HMGA2: variants seen among roughly 807,000 people sequenced by gnomAD.
HMGA2 encodes the protein high mobility group AT-hook 2, also known as high mobility group protein HMGI-C.
Under a neutral mutation model 19.1 loss-of-function variants are expected in HMGA2, and 8 were observed. The ratio of observed to expected loss-of-function variants is 0.42; its 90% confidence interval spans 0.25 to 0.76. HMGA2 has a LOEUF of 0.76. HMGA2 is among the 30% of genes least tolerant of loss of function. HMGA2 has a pLI of 0.28. For missense variants in HMGA2, 109 were observed against 136.3 expected, an observed-to-expected ratio of 0.80 and a Z score of 1.00; for synonymous variants, 60 against 48.8, an observed-to-expected ratio of 1.23 and a Z score of -0.96.
At chr12:65,941,138 T>C (rs1164856714) in intron 3 of HMGA2, among the ~76,000 whole-genome samples, 7 of 152,104 alleles carry the variant, frequency 4.6e-5, no homozygotes, top group Admixed American at 4.6e-4. Context: ...TTGAGCTGAG[T>C]AAGGTAGTTC....
In HMGA2 at chr12:65,824,785, G is replaced by A; in HGVS notation, c.-486G>A. 4.3e-6 allele frequency: 1 copy of A among 230,744 alleles called. No homozygotes were observed. The highest frequency in any genetic ancestry group is 8.5e-6 in the Non-Finnish European group (1 of 118,202). 14.3% of individuals were successfully genotyped at this position (230,744 alleles called of 1,614,324 possible). A position where few individuals can be genotyped will look rare whatever the true frequency, so the allele number is the denominator to read the frequency against. On this transcript the variant is annotated 5_prime_UTR_variant, in exon 1 of 5. Transcript: ENST00000403681. ...TCTCTCTCTCGCAGGGTGGGGGGAA[G>A]AGGAGGAGGAATTCTTTCCCCGCCT...
chr12:65,829,941 T>A (rs898477514), intron 2 of HMGA2, among the ~76,000 whole-genome samples: 17 of 151,964 alleles, frequency 1.1e-4, no homozygotes, highest in African/African-American at 4.1e-4. Context: ...CCTACGCCGC[T>A]CATCTTTCTG....
At chr12:65,898,565 CAT>C (rs1470877031) in intron 3 of HMGA2, among the ~76,000 whole-genome samples, 1 of 152,144 alleles carries the variant, frequency 6.6e-6, no homozygotes, top group Non-Finnish European at 1.5e-5. Flanking sequence ...CTGATATTCA[CAT>C]GTTTCAAACA....
At chr12:65,961,479 G>A (rs940091990) in intron 4 of HMGA2, among the ~76,000 whole-genome samples, 1 of 152,130 alleles carries the variant, frequency 6.6e-6, no homozygotes, top group Admixed American at 6.5e-5. Context: ...ACAGTTTGGG[G>A]GTTGGGAGTT....
At chr12:65,912,090 C>T (rs967900633) in intron 3 of HMGA2, among the ~76,000 whole-genome samples, 1 of 152,118 alleles carries the variant, frequency 6.6e-6, no homozygotes. Flanking sequence ...TTCCACTAGT[C>T]TTTCTGTTTA....
chr12:65,953,878 C>A (rs1232914972), intron 4 of HMGA2: 1 of 152,160 alleles, frequency 6.6e-6, no homozygotes, highest in East Asian at 1.9e-4. Context: ...CTGTTTCTTT[C>A]AAAATACCCT....
chr12:65,845,267 TGTTTC>T (rs1229046491), intron 3 of HMGA2, among the ~76,000 whole-genome samples: 1 of 152,112 alleles, frequency 6.6e-6, no homozygotes. Flanking sequence ...GTTTTTGTTT[TGTTTC>T]GTTTTGTTTT....
chr12:65,928,877 G>A (rs1021993039), intron 3 of HMGA2, among the ~76,000 whole-genome samples: 25 of 151,922 alleles, frequency 1.6e-4, no homozygotes, highest in African/African-American at 4.8e-4. Context: ...ATTTATATCC[G>A]TATAAAGATT....
At chr12:65,932,881 C>G (rs1312170901) in intron 3 of HMGA2, among the ~76,000 whole-genome samples, 1 of 152,168 alleles carries the variant, frequency 6.6e-6, no homozygotes, top group East Asian at 1.9e-4. Flanking sequence ...GATGTCCTCA[C>G]TTTATAAAAA....
chr12:65,912,849 G>A (rs1250337534), intron 3 of HMGA2, among the ~76,000 whole-genome samples: 1 of 152,080 alleles, frequency 6.6e-6, no homozygotes, highest in Non-Finnish European at 1.5e-5. Context: ...GCCAAATGGG[G>A]CATTTTAGTT....
intron 3 of HMGA2, chr12:65,915,391 C>T: frequency 7.7e-7 from 1 of 1,298,038 alleles, no homozygotes; most frequent in Middle Eastern, 3.1e-4. Context: ...CATGCAGAGC[C>T]ATGCCTGCGG....
intron 3 of HMGA2, among the ~76,000 whole-genome samples, chr12:65,863,004 T>TCA (rs1357546350): frequency 6.6e-6 from 1 of 152,166 alleles, no homozygotes; most frequent in Non-Finnish European, 1.5e-5. Context: ...CCACCCATGC[T>TCA]CAGCTCATGG....
intron 3 of HMGA2, chr12:65,841,991 C>CTTTT: frequency 2.4e-6 from 2 of 817,982 alleles, no homozygotes; most frequent in Admixed American, 4.1e-5. Context: ...TTCCCTTCAT[C>CTTTT]TTTTTTTTTT....
chr12:65,913,786 G>C (rs1323617726), intron 3 of HMGA2, among the ~76,000 whole-genome samples: 1 of 152,026 alleles, frequency 6.6e-6, no homozygotes, highest in East Asian at 1.9e-4. Flanking sequence ...TGTCTCTCAG[G>C]GTCCCCATCA....
intron 3 of HMGA2, among the ~76,000 whole-genome samples, chr12:65,926,352 C>A (rs746156536): frequency 3.9e-5 from 6 of 152,176 alleles, no homozygotes; most frequent in Non-Finnish European, 7.3e-5. Context: ...ACTCCAGTTA[C>A]CTTGGAACAA....
intron 3 of HMGA2, chr12:65,877,268 T>A (rs1873094501): frequency 1.3e-5 from 2 of 152,244 alleles, no homozygotes; most frequent in African/African-American, 4.8e-5. Flanking sequence ...GCCCTGCGTC[T>A]GCTGGCTGCT....
intron 3 of HMGA2, among the ~76,000 whole-genome samples, chr12:65,839,420 G>A (rs1031471413): frequency 3.9e-5 from 6 of 151,998 alleles, no homozygotes; most frequent in Admixed American, 6.6e-5. Context: ...GGGTTCTTTG[G>A]CTTTGCTTTT....
At chr12:65,842,296 C>A in intron 3 of HMGA2, 1 of 591,774 alleles carries the variant, frequency 1.7e-6, no homozygotes, top group South Asian at 1.6e-5. Flanking sequence ...TGAGATAATG[C>A]ATGCAAAGGG....
chr12:65,930,832 G>C (rs1296214516), intron 3 of HMGA2, among the ~76,000 whole-genome samples: 1 of 152,126 alleles, frequency 6.6e-6, no homozygotes, highest in Non-Finnish European at 1.5e-5. Flanking sequence ...AATCAGACTA[G>C]ATTACGATAC....
Sources: allele counts gnomAD v4.1 joint callset (sites outside exome capture counted in the v4.1 genomes callset), GRCh38; gene constraint gnomAD v4.1.1; transcripts MANE v1.5; gene names NCBI Gene and HGNC (gene_info 2026-07-23, HGNC 2026-07-21).